HYAL4: variants seen among roughly 807,000 people sequenced by gnomAD.
HYAL4 encodes the protein hyaluronidase 4.
Under a neutral mutation model 35.2 loss-of-function variants are expected in HYAL4, and 37 were observed. The ratio of observed to expected loss-of-function variants is 1.05; its 90% CI spans 0.81 to 1.38. The LOEUF (loss-of-function observed/expected upper bound fraction) is 1.38, where lower values mean the gene tolerates loss of function less well. Among genes scored for constraint, HYAL4 ranks in the 40% most tolerant of loss-of-function variants. HYAL4 has a pLI of 0.00. For synonymous variants in HYAL4, 198 were observed against 203.2 expected, an observed-to-expected ratio of 0.97 and a Z score of 0.22; for missense variants, 572 against 572.4, an observed-to-expected ratio of 1.00 and a Z score of 0.01.
At chr7:123,814,788 G>A in the HYAL4 span, 4 of 139,028 alleles carry the variant, frequency 2.9e-5, no homozygotes, top group African/African-American at 1.1e-4. Flanking sequence ...TATGATTACA[G>A]AATAAATCCA....
At chr7:123,870,450 G>A (rs1806847503) in intron 3 of HYAL4, among the ~76,000 whole-genome samples, 1 of 152,082 alleles carries the variant, frequency 6.6e-6, no homozygotes, top group Non-Finnish European at 1.5e-5. Context: ...TAGGAAGTCA[G>A]TACCGTCTGA....
chr7:123,790,372 C>CTGGAAGTT, the HYAL4 span, among the ~76,000 whole-genome samples: 206 of 152,180 alleles, frequency 1.4e-3, 1 homozygote, highest in African/African-American at 4.7e-3. Flanking sequence ...GATTAATAAT[C>CTGGAAGTT]TGGAAGTTTA....
At chr7:123,787,054 C>A in the HYAL4 span, among the ~76,000 whole-genome samples, 1 of 140,222 alleles carries the variant, frequency 7.1e-6, no homozygotes, top group South Asian at 2.2e-4. Context: ...TTGCAGTGAG[C>A]TGAGATTGCA....
chr7:123,859,725 A>G (rs1394220502), intron 2 of HYAL4, among the ~76,000 whole-genome samples: 1 of 152,230 alleles, frequency 6.6e-6, no homozygotes, highest in Non-Finnish European at 1.5e-5. Flanking sequence ...CTGTAGTCAG[A>G]ATCGATTTGC....
At chr7:123,861,839 C>A (rs1019996215) in intron 2 of HYAL4, among the ~76,000 whole-genome samples, 5 of 152,022 alleles carry the variant, frequency 3.3e-5, no homozygotes, top group African/African-American at 1.2e-4. Context: ...AAATAGTTAT[C>A]ATAAAATTCA....
At chr7:123,771,764 G>A in the HYAL4 span, among the ~76,000 whole-genome samples, 6 of 148,126 alleles carry the variant, frequency 4.1e-5, no homozygotes, top group Non-Finnish European at 8.9e-5. Flanking sequence ...TGAGATTAGC[G>A]TTTGTTTTCT....
At chr7:123,835,555 AT>A (rs1195315441) in intron 1 of HYAL4, among the ~76,000 whole-genome samples, 1 of 151,318 alleles carries the variant, frequency 6.6e-6, no homozygotes, top group South Asian at 2.1e-4. Context: ...TATCTTTTGT[AT>A]TTTTTTGTTT....
chr7:123,806,427 G>A, the HYAL4 span, among the ~76,000 whole-genome samples: 1 of 151,992 alleles, frequency 6.6e-6, no homozygotes. Flanking sequence ...GTGGCAGTCT[G>A]ATGTAGCCAT....
the HYAL4 span, among the ~76,000 whole-genome samples, chr7:123,813,558 G>T: frequency 1.3e-5 from 2 of 152,098 alleles, no homozygotes; most frequent in Non-Finnish European, 2.9e-5. Flanking sequence ...ATTTCTACTT[G>T]TTTTTTATTT....
the HYAL4 span, among the ~76,000 whole-genome samples, chr7:123,795,449 G>A: frequency 1.3e-5 from 2 of 152,174 alleles, no homozygotes; most frequent in African/African-American, 4.8e-5. Context: ...ATGTTGAATT[G>A]TAGTTCCCAT....
chr7:123,810,361 T>C, the HYAL4 span, among the ~76,000 whole-genome samples: 1 of 152,198 alleles, frequency 6.6e-6, no homozygotes. Context: ...CATACTATAA[T>C]ATTTGGTGTA....
chr7:123,809,526 G>C, the HYAL4 span, among the ~76,000 whole-genome samples: 1 of 151,352 alleles, frequency 6.6e-6, no homozygotes, highest in Non-Finnish European at 1.5e-5. Context: ...CTCCCGAGTA[G>C]CTGGGACTAT....
the HYAL4 span, among the ~76,000 whole-genome samples, chr7:123,773,525 G>T: frequency 6.6e-6 from 1 of 152,094 alleles, no homozygotes; most frequent in Non-Finnish European, 1.5e-5. Context: ...TAACTACCGG[G>T]TACTTACATA....
upstream of HYAL4, among the ~76,000 whole-genome samples, chr7:123,840,715 T>G (rs1451881545): frequency 6.6e-6 from 1 of 151,998 alleles, no homozygotes; most frequent in Non-Finnish European, 1.5e-5. Flanking sequence ...CCCTTGTAAA[T>G]TGGATTCCTA....
chr7:123,827,923 T>C (rs1805823819), upstream of HYAL4, among the ~76,000 whole-genome samples: 1 of 152,214 alleles, frequency 6.6e-6, no homozygotes, highest in Non-Finnish European at 1.5e-5. Context: ...TACTAGAATT[T>C]TTCCATGGTC....
At chr7:123,788,040 A>G in the HYAL4 span, among the ~76,000 whole-genome samples, 1 of 152,170 alleles carries the variant, frequency 6.6e-6, no homozygotes. Flanking sequence ...CTCAGTGGCC[A>G]GGAGAGGTGG....
intron 2 of HYAL4, among the ~76,000 whole-genome samples, chr7:123,851,417 T>C (rs1053910823): frequency 2.0e-5 from 3 of 151,916 alleles, no homozygotes. Flanking sequence ...TGACAGCCCG[T>C]GTGTGTGATG....
chr7:123,848,711 C>T (rs1055466549), intron 2 of HYAL4, among the ~76,000 whole-genome samples: 13 of 152,156 alleles, frequency 8.5e-5, no homozygotes, highest in Admixed American at 8.5e-4. Flanking sequence ...TTTACTTTTG[C>T]ACCATCTTTA....
intron 2 of HYAL4, among the ~76,000 whole-genome samples, chr7:123,867,519 T>C (rs1055199627): frequency 6.6e-6 from 1 of 152,126 alleles, no homozygotes; most frequent in Non-Finnish European, 1.5e-5. Context: ...AAGACAAATA[T>C]AACTTTCTTA....
Sources: gnomAD v4.1 joint callset for allele counts (sites outside exome capture counted in the v4.1 genomes callset) on GRCh38, gnomAD v4.1.1 for gene constraint, MANE v1.5 for transcripts, NCBI Gene and HGNC (gene_info 2026-07-23, HGNC 2026-07-21) for gene names.